Variants in SPDL1 observed in about 807,000 individuals in gnomAD.
The protein encoded by SPDL1 is spindle apparatus coiled-coil protein 1, also known as protein Spindly.
Under a neutral mutation model 79.5 loss-of-function variants are expected in SPDL1, and 85 were observed. That is an observed-to-expected ratio of 1.07 (90% CI 0.90 to 1.28). SPDL1 has a LOEUF of 1.28. Among genes scored for constraint, SPDL1 ranks in the 50% most tolerant of loss-of-function variants. The probability of loss-of-function intolerance (pLI) is 0.00; values close to 1 mark genes in which losing one functional copy is unlikely to be tolerated. For missense variants in SPDL1, 703 were observed against 697.8 expected, an observed-to-expected ratio of 1.01 and a Z score of -0.08; for synonymous variants, 269 against 240.3, an observed-to-expected ratio of 1.12 and a Z score of -1.10.
rs746131731 is a variant in SPDL1 at position 169,598,535 on chromosome 5, C to T, written c.1092C>T (p.Asn364=). The change falls in exon 9 of 12, where the codon AAC becomes AAT. Residue 364 remains asparagine (N), a synonymous_variant. Transcript: ENST00000265295. ...TCGACTCTGGTACTCTGGAAGATAA[C>T]ACCTATTATACAGATTTACTTCAGA... The part of the protein sequence containing the change: ...PSVDSGTLED[N]TYYTDLLQMK... 8 of 1,613,024 alleles carry T rather than the reference C, an allele frequency of 5.0e-6. No individual in the cohort carries two copies. In the South Asian group the frequency reaches 6.6e-5, roughly 13 times the overall value.
In SPDL1 at chr5:169,596,594, T is replaced by G; in HGVS notation, c.925T>G (p.Ser309Ala). Residue 309 changes from serine to alanine, a missense_variant, in exon 8 of 12, where the codon TCT (serine) becomes GCT (alanine). Transcript: ENST00000265295. ...TGCCACGTTGCTACAGATGAAAGGG[T>G]CTCAAACTGAATTTGAGCAGCAGGA... ...QIATLLQMKG[S>A]QTEFEQQERL... The G allele has an allele frequency of 6.2e-7, 1 of 1,611,956 alleles. No homozygotes were observed. Among genetic ancestry groups the G allele is most frequent in the Non-Finnish European group, 8.5e-7 (1 of 1,179,238 alleles).
chr5:169,593,584 C>G (rs74959796), intron 4 of SPDL1, 36 bp downstream of exon 4: 2 of 1,444,624 alleles, frequency 1.4e-6, no homozygotes, highest in South Asian at 3.0e-5. Flanking sequence ...AGGGTTTTCT[C>G]TTTTTTTTTC....
intron 3 of SPDL1, 126 bp from the exon 4 acceptor site, chr5:169,593,228 C>G (rs1581299140): frequency 2.5e-6 from 2 of 784,674 alleles, no homozygotes; most frequent in African/African-American, 3.5e-5. Flanking sequence ...AGATGCCTAA[C>G]CTTGGGCAAA....
rs1036000834 is a variant in SPDL1 at position 169,598,995 on chromosome 5, G to A, written c.1160G>A (p.Gly387Asp). 6.4e-7 allele frequency: 1 copy of A among 1,555,516 alleles called. No homozygotes were observed. The highest frequency in any genetic ancestry group is 8.7e-7 in the Non-Finnish European group (1 of 1,148,188). The change falls in exon 10 of 12, where the codon GGT becomes GAT. Residue 387 changes from glycine (G) to aspartate (D), a missense_variant. Transcript: ENST00000265295. ...AGCAAAGAAATTGAAAGCACTAAAG[G>A]TGAATTGTCCATACAGCGAATGAAA... is the stretch of plus-strand genomic sequence containing the variant. Reference protein sequence around the residue: ...NLNKEIESTKGELSIQRMKAL... With the variant: ...NLNKEIESTKDELSIQRMKAL...
chr5:169,591,026 T>G (rs1327782430), intron 2 of SPDL1, 22 bp from the exon 3 acceptor site: 1 of 1,586,616 alleles, frequency 6.3e-7, no homozygotes, highest in Non-Finnish European at 8.6e-7. Context: ...TGTAATTGAA[T>G]TGTAATTGAA....
intron 8 of SPDL1, among the ~76,000 whole-genome samples, chr5:169,597,863 A>C (rs1011911063): frequency 6.6e-6 from 1 of 152,214 alleles, no homozygotes; most frequent in Admixed American, 6.5e-5. Context: ...TTATGTTTCC[A>C]TCAGTGGGCT....
intron 2 of SPDL1, among the ~76,000 whole-genome samples, chr5:169,589,284 G>A (rs559484522): frequency 3.3e-5 from 5 of 152,216 alleles, no homozygotes; most frequent in Admixed American, 1.3e-4. Flanking sequence ...CCTTCTGGCC[G>A]GGTTGCCTGC....
intron 11 of SPDL1, among the ~76,000 whole-genome samples, chr5:169,603,802 C>T (rs1054645826): frequency 4.6e-5 from 7 of 152,024 alleles, no homozygotes; most frequent in Middle Eastern, 6.3e-3. Flanking sequence ...TGCAGTGAGC[C>T]GAGATCATGC....
intron 1 of SPDL1, among the ~76,000 whole-genome samples, chr5:169,585,750 T>C (rs1754956240): frequency 6.6e-6 from 1 of 152,206 alleles, no homozygotes; most frequent in Non-Finnish European, 1.5e-5. Flanking sequence ...AAACCCTGTA[T>C]CTCTTCCCTT....
Position 169,601,637 on chromosome 5 carries a change from C to A in SPDL1, c.1670+12C>A, listed in dbSNP as rs368411947. On this transcript the variant is annotated intron_variant, in intron 11 of 11. Coordinates refer to ENST00000265295, the MANE Select transcript of SPDL1 (RefSeq NM_017785.5). Reference sequence around the variant, plus strand: ...CCTAACTCTCCCAGGTCAGTGTCCTCTTTTCCTCCAGGCAGCCAGCAGACC... The same window carrying A: ...CCTAACTCTCCCAGGTCAGTGTCCTATTTTCCTCCAGGCAGCCAGCAGACC... The A allele has an allele frequency of 5.1e-5, 82 of 1,612,186 alleles. No individual in the cohort carries two copies. Among genetic ancestry groups the A allele is most frequent in the Non-Finnish European group, 6.4e-5 (75 of 1,178,750 alleles).
chr5:169,590,672 T>G (rs1267780200), intron 2 of SPDL1: 5 of 456,948 alleles, frequency 1.1e-5, no homozygotes, highest in African/African-American at 8.0e-5. Flanking sequence ...TGTTCAGAGC[T>G]ACAAGTAGAG....
intron 2 of SPDL1, 68 bp downstream of exon 2, chr5:169,588,643 TTAA>T (rs1015923252): frequency 7.3e-7 from 1 of 1,368,356 alleles, no homozygotes; most frequent in African/African-American, 1.5e-5. Flanking sequence ...TGTTTAGCAA[TTAA>T]TAGTAGTAGT....
intron 4 of SPDL1, among the ~76,000 whole-genome samples, 192 bp from the exon 5 acceptor site, chr5:169,593,953 A>T (rs1403888828): frequency 6.6e-6 from 1 of 152,226 alleles, no homozygotes; most frequent in Non-Finnish European, 1.5e-5. Flanking sequence ...GGCAGTCTCT[A>T]AAGCCATTTG....
intron 2 of SPDL1, chr5:169,590,656 A>G (rs377567898): frequency 6.2e-5 from 28 of 454,288 alleles, no homozygotes; most frequent in African/African-American, 4.8e-4. Context: ...TATTACTACT[A>G]CATTGTGTTC....
At chr5:169,600,171 G>A (rs753046732) in intron 10 of SPDL1, among the ~76,000 whole-genome samples, 1 of 152,130 alleles carries the variant, frequency 6.6e-6, no homozygotes, top group Non-Finnish European at 1.5e-5. Flanking sequence ...TTTTGTCCCC[G>A]CACTCTGCAC....
At chr5:169,586,689 A>G (rs922495048) in intron 1 of SPDL1, among the ~76,000 whole-genome samples, 1 of 152,072 alleles carries the variant, frequency 6.6e-6, no homozygotes, top group African/African-American at 2.4e-5. Flanking sequence ...ACACATCCCA[A>G]ATTATATCTT....
Position 169,598,906 on chromosome 5 carries a change from T to G in SPDL1, c.1137-66T>G, listed in dbSNP as rs931438788. 7.4e-6 allele frequency: 11 copies of G among 1,483,888 alleles called. No individual in the cohort carries two copies. The African/African-American group carries it at 1.4e-4, about 19-fold the overall frequency. The allele number at this position is 1,483,888 out of a possible 1,614,324, so 91.9% of individuals were successfully genotyped here. A position where few individuals can be genotyped will look rare whatever the true frequency, so the allele number is the denominator to read the frequency against. On this transcript the variant is annotated intron_variant, in intron 9 of 11. Transcript: ENST00000265295. ...AAGAATTCAAATATGCGATGAAATA[T>G]TTATACCACTACACTTATTATATGC...
intron 2 of SPDL1, chr5:169,590,839 G>T: frequency 5.0e-6 from 3 of 603,158 alleles, no homozygotes; most frequent in South Asian, 4.6e-5. Flanking sequence ...GGTATCCCTT[G>T]CATGGGTTTA....
chr5:169,600,440 G>A (rs1208666910), intron 10 of SPDL1, among the ~76,000 whole-genome samples: 1 of 152,130 alleles, frequency 6.6e-6, no homozygotes, highest in African/African-American at 2.4e-5. Context: ...GGTTTCAAAG[G>A]AGCAGTGCCA....
Sources: allele counts gnomAD v4.1 joint callset (sites outside exome capture counted in the v4.1 genomes callset), GRCh38; gene constraint gnomAD v4.1.1; transcripts MANE v1.5; gene names NCBI Gene and HGNC (gene_info 2026-07-23, HGNC 2026-07-21).